Variants in ERBB4 observed in about 807,000 individuals in gnomAD.
The protein encoded by ERBB4 is erb-b2 receptor tyrosine kinase 4.
Under a neutral mutation model 158.0 loss-of-function variants are expected in ERBB4, and 42 were observed. That is an observed-to-expected ratio of 0.27 (90% CI 0.21 to 0.34). The LOEUF is 0.34. ERBB4 is among the 10% of genes least tolerant of loss of function. The probability of loss-of-function intolerance (pLI) is 1.00; values close to 1 mark genes in which losing one functional copy is unlikely to be tolerated. For synonymous variants in ERBB4, 583 were observed against 558.7 expected (o/e 1.04, Z -0.61); for missense variants, 1,333 against 1,624.1 (o/e 0.82, Z 3.08).
intron 5 of ERBB4, among the ~76,000 whole-genome samples, chr2:211,731,090 A>G (rs2074413522): frequency 6.6e-6 from 1 of 152,126 alleles, no homozygotes; most frequent in Admixed American, 6.5e-5. Context: ...TATATTTTCG[A>G]TGGAAATATT....
At position 212,124,910 on chromosome 2, in the gene ERBB4, A is replaced by G. The variant is rs773842900; in HGVS notation, c.83-7T>C. 4.3e-6 allele frequency: 7 copies of G among 1,614,060 alleles called. No individual in the cohort carries two copies. The African/African-American group carries it at 9.3e-5, about 22-fold the overall frequency. On this transcript the variant is annotated splice_region_variant and splice_polypyrimidine_tract_variant and intron_variant, in intron 1 of 27. Transcript: ENST00000342788. ...TTCTCCGTTCCTGCACACACTGCAA[A>G]GACAAGAAGATACACGTGAAATTAC...
At chr2:211,675,842 C>G (rs920019515) in intron 13 of ERBB4, among the ~76,000 whole-genome samples, 12 of 139,522 alleles carry the variant, frequency 8.6e-5, no homozygotes, top group African/African-American at 3.0e-4. Flanking sequence ...TGGTAAATGT[C>G]ATATTTATAT....
intron 20 of ERBB4, among the ~76,000 whole-genome samples, chr2:211,458,414 G>A (rs1040566863): frequency 3.3e-5 from 5 of 152,100 alleles, no homozygotes; most frequent in South Asian, 2.1e-4. Context: ...TTACAGGCAC[G>A]TGCCATCACG....
intron 1 of ERBB4, among the ~76,000 whole-genome samples, chr2:212,144,752 G>A (rs1047682187): frequency 2.0e-5 from 3 of 152,074 alleles, no homozygotes; most frequent in Non-Finnish European, 2.9e-5. Flanking sequence ...GGCTGGGCAG[G>A]CCAGATGTAG....
rs2062558353 is a variant in ERBB4 at position 211,380,592 on chromosome 2, T to G, written c.*3023A>C. On this transcript the variant is annotated 3_prime_UTR_variant, in exon 28 of 28. Coordinates refer to ENST00000342788, the MANE Select transcript of ERBB4 (RefSeq NM_005235.3). ...AGTTATTCTCTGGAAGGAATGAAAC[T>G]TTTTTTCTCCCTCTTATACATGCTG... The G allele has an allele frequency of 4.3e-6, 1 of 231,852 alleles. No individual in the cohort carries two copies. The highest frequency in any genetic ancestry group is 1.8e-4 in the South Asian group (1 of 5,518). The allele number at this position is 231,852 out of a possible 1,614,324, so 14.4% of individuals were successfully genotyped here.
rs397836003 is a variant in ERBB4, at chr2:212,191,888, T to TAC, written c.83-66986_83-66985insGT. Reference sequence around the variant, plus strand: ...TATTATATATAATACATATGTTACATGTTATATATTATATATGATACATAT... The same window carrying TAC: ...TATTATATATAATACATATGTTACATACGTTATATATTATATATGATACATAT... On this transcript the variant is annotated intron_variant, in intron 1 of 27. Coordinates refer to ENST00000342788, the MANE Select transcript of ERBB4 (RefSeq NM_005235.3). Among the ~76,000 whole-genome samples the TAC allele has an allele frequency of 2.4e-4, 34 of 143,556 alleles. No individual in the cohort carries two copies. The South Asian group carries it at 6.8e-3, about 29-fold the overall frequency. The allele number at this position is 143,556 out of a possible 152,430, so 94.2% of individuals were successfully genotyped here. A position where few individuals can be genotyped will look rare whatever the true frequency, so the allele number is the denominator to read the frequency against.
chr2:211,422,285 T>G (rs564443323), intron 23 of ERBB4, among the ~76,000 whole-genome samples, 181 bp from the exon 24 acceptor site: 1 of 152,068 alleles, frequency 6.6e-6, no homozygotes, highest in South Asian at 2.1e-4. Flanking sequence ...GTCTCTTTGT[T>G]GATATTCATA....
intron 4 of ERBB4, among the ~76,000 whole-genome samples, chr2:211,752,632 A>T (rs539697943): frequency 6.6e-6 from 1 of 152,076 alleles, no homozygotes; most frequent in Non-Finnish European, 1.5e-5. Flanking sequence ...TATATTCTCA[A>T]TGTTTTTCTC....
At chr2:211,466,687 G>A (rs1465653784) in intron 20 of ERBB4, among the ~76,000 whole-genome samples, 1 of 152,092 alleles carries the variant, frequency 6.6e-6, no homozygotes, top group African/African-American at 2.4e-5. Flanking sequence ...GAAGAAAAAA[G>A]TGTCAGAAAA....
chr2:211,736,183 A>G (rs919858169), intron 5 of ERBB4, among the ~76,000 whole-genome samples: 18 of 151,978 alleles, frequency 1.2e-4, no homozygotes, highest in Non-Finnish European at 2.4e-4. Context: ...AAAAAAAAAA[A>G]AGATAATCAT....
intron 2 of ERBB4, among the ~76,000 whole-genome samples, chr2:212,056,466 C>T (rs1025469160): frequency 1.1e-4 from 16 of 152,106 alleles, no homozygotes; most frequent in African/African-American, 3.6e-4. Flanking sequence ...AGCTCCAAGA[C>T]ACATAATTGT....
intron 1 of ERBB4, among the ~76,000 whole-genome samples, chr2:212,283,214 G>A (rs1322879659): frequency 2.0e-5 from 3 of 151,942 alleles, no homozygotes; most frequent in African/African-American, 7.2e-5. Context: ...AGGCAAAAAA[G>A]CAATCAGTAT....
intron 3 of ERBB4, among the ~76,000 whole-genome samples, chr2:211,862,625 G>A (rs1179982547): frequency 2.0e-5 from 3 of 152,024 alleles, no homozygotes; most frequent in Admixed American, 6.6e-5. Context: ...TTTAGAATAG[G>A]TGAAGAAGAC....
chr2:211,579,150 A>T (rs573856659), intron 19 of ERBB4, among the ~76,000 whole-genome samples: 1 of 152,350 alleles, frequency 6.6e-6, no homozygotes, highest in South Asian at 2.1e-4. Flanking sequence ...GGACATGAAC[A>T]GACACTTCTC....
chr2:211,762,686 A>C (rs1193404793), intron 4 of ERBB4, among the ~76,000 whole-genome samples: 1 of 152,174 alleles, frequency 6.6e-6, no homozygotes, highest in Non-Finnish European at 1.5e-5. Flanking sequence ...GAGTGGTGTC[A>C]CATTTGAGAA....
chr2:212,503,667 T>G (rs115323780), intron 1 of ERBB4, among the ~76,000 whole-genome samples: 1 of 152,218 alleles, frequency 6.6e-6, no homozygotes, highest in Non-Finnish European at 1.5e-5. Flanking sequence ...GAAGTTGATG[T>G]AACAATGCTG....
At chr2:212,347,944 C>T (rs925915078) in intron 1 of ERBB4, among the ~76,000 whole-genome samples, 1 of 152,022 alleles carries the variant, frequency 6.6e-6, no homozygotes, top group Non-Finnish European at 1.5e-5. Context: ...CCAGTCCATA[C>T]AGCTATTTTT....
intron 1 of ERBB4, among the ~76,000 whole-genome samples, chr2:212,172,712 A>G (rs1559652928): frequency 2.0e-5 from 3 of 152,220 alleles, no homozygotes; most frequent in Non-Finnish European, 4.4e-5. Context: ...GTTCTCACTT[A>G]TAAGTGGGAG....
chr2:211,876,221 A>G (rs935235562), intron 3 of ERBB4, among the ~76,000 whole-genome samples: 9 of 152,170 alleles, frequency 5.9e-5, no homozygotes, highest in African/African-American at 1.9e-4. Context: ...CTTAGAGAAT[A>G]CCAATTTTGC....
Sources: allele counts gnomAD v4.1 joint callset (sites outside exome capture counted in the v4.1 genomes callset), GRCh38; gene constraint gnomAD v4.1.1; transcripts MANE v1.5; gene names NCBI Gene and HGNC (gene_info 2026-07-23, HGNC 2026-07-21).